The following JAZF1 variants were observed in gnomAD, a reference collection of about 807,000 sequenced individuals.
The protein encoded by JAZF1 is JAZF zinc finger 1, also known as juxtaposed with another zinc finger protein 1.
JAZF1 carries 8 observed loss-of-function variants against 26.4 expected under a neutral mutation model. That is an observed-to-expected ratio of 0.30 (90% CI 0.18 to 0.55). The LOEUF (loss-of-function observed/expected upper bound fraction) is 0.55. Among genes scored for constraint, JAZF1 ranks in the 20% least tolerant of loss-of-function variants. The pLI is 0.94. For synonymous variants in JAZF1, 126 were observed against 122.3 expected (o/e 1.03, Z -0.20); for missense variants, 199 against 322.0 (o/e 0.62, Z 2.92).
At chr7:28,077,956 A>C (rs761390211) in intron 1 of JAZF1, among the ~76,000 whole-genome samples, 3 of 152,204 alleles carry the variant, frequency 2.0e-5, no homozygotes, top group Non-Finnish European at 2.9e-5. Flanking sequence ...CCCACTATGT[A>C]ATCTAGCTCA....
At chr7:28,022,988 G>C (rs1469341376) in intron 1 of JAZF1, among the ~76,000 whole-genome samples, 1 of 152,182 alleles carries the variant, frequency 6.6e-6, no homozygotes, top group Non-Finnish European at 1.5e-5. Flanking sequence ...GAGATGTGAG[G>C]TGAAGTCTTT....
chr7:28,090,068 A>G (rs971825934), intron 1 of JAZF1, among the ~76,000 whole-genome samples: 12 of 152,260 alleles, frequency 7.9e-5, no homozygotes, highest in Non-Finnish European at 1.3e-4. Flanking sequence ...GTCAGTCAAG[A>G]ATCAAGGTTG....
chr7:27,982,669 C>T (rs1207645217), intron 2 of JAZF1, among the ~76,000 whole-genome samples: 1 of 152,158 alleles, frequency 6.6e-6, no homozygotes, highest in African/African-American at 2.4e-5. Flanking sequence ...GGGTCCCTGA[C>T]CCCCGAGTAT....
At chr7:28,098,120 G>A (rs1281382802) in intron 1 of JAZF1, among the ~76,000 whole-genome samples, 1 of 152,100 alleles carries the variant, frequency 6.6e-6, no homozygotes, top group African/African-American at 2.4e-5. Flanking sequence ...TTGGAGTGAA[G>A]CCTTTGGGAG....
intron 2 of JAZF1, among the ~76,000 whole-genome samples, chr7:27,931,890 G>A (rs1583468658): frequency 6.6e-6 from 1 of 152,030 alleles, no homozygotes; most frequent in East Asian, 1.9e-4. Flanking sequence ...TCCAGCCTAA[G>A]TGACAAAGTG....
At chr7:28,060,047 T>C (rs967078947) in intron 1 of JAZF1, among the ~76,000 whole-genome samples, 3 of 152,236 alleles carry the variant, frequency 2.0e-5, no homozygotes, top group African/African-American at 7.2e-5. Context: ...TTGTGTCTAC[T>C]ACATTCTAAA....
chr7:28,170,111 C>CA (rs200460612), intron 1 of JAZF1, among the ~76,000 whole-genome samples: 2,962 of 148,340 alleles, frequency 0.02, 111 homozygotes, highest in African/African-American at 0.069. Flanking sequence ...TACCACTAGT[C>CA]AAAAAAAAAA....
intron 1 of JAZF1, among the ~76,000 whole-genome samples, chr7:27,992,605 C>T (rs925192879): frequency 5.3e-5 from 8 of 152,284 alleles, no homozygotes; most frequent in South Asian, 2.1e-4. Flanking sequence ...ACCATAGCAA[C>T]GCTTTATAAT....
rs1379613661 is a variant in JAZF1, at chr7:27,871,977, C to T, written c.385+23243G>A. The stretch of plus-strand genomic sequence containing the variant: ...CTCACTTCAGAAAATGCAGCTGAAA[C>T]ACTTCTGAGGTGCTAAAGCAAATTG... On this transcript the variant is annotated intron_variant, in intron 3 of 4. Coordinates refer to ENST00000283928, the MANE Select transcript of JAZF1 (RefSeq NM_175061.4). Among the ~76,000 whole-genome samples the T allele has an allele frequency of 2.0e-5, 3 of 152,324 alleles. No homozygotes were observed. The East Asian group carries it at 5.8e-4, about 29-fold the overall frequency.
intron 1 of JAZF1, among the ~76,000 whole-genome samples, chr7:28,117,070 C>T (rs763351098): frequency 2.6e-5 from 4 of 152,262 alleles, no homozygotes; most frequent in Admixed American, 2.6e-4. Context: ...ATGATCCACC[C>T]GCCTTGGCCT....
chr7:28,161,999 C>T (rs1783299844), intron 1 of JAZF1, among the ~76,000 whole-genome samples: 1 of 152,146 alleles, frequency 6.6e-6, no homozygotes, highest in Admixed American at 6.5e-5. Flanking sequence ...GTCCCTAGTA[C>T]TTAGTTGCAG....
At chr7:27,931,760 C>T (rs1173311112) in intron 2 of JAZF1, among the ~76,000 whole-genome samples, 1 of 151,540 alleles carries the variant, frequency 6.6e-6, no homozygotes, top group Non-Finnish European at 1.5e-5. Flanking sequence ...CTGCTTGAAC[C>T]GGGGAGAATT....
At chr7:27,895,048 C>G (rs1218359353) in intron 3 of JAZF1, among the ~76,000 whole-genome samples, 172 bp downstream of exon 3, 1 of 152,114 alleles carries the variant, frequency 6.6e-6, no homozygotes, top group African/African-American at 2.4e-5. Context: ...ATAAATATTT[C>G]TTCAATAATA....
chr7:28,158,717 T>C (rs951584945), intron 1 of JAZF1, among the ~76,000 whole-genome samples: 4 of 152,230 alleles, frequency 2.6e-5, no homozygotes, highest in East Asian at 1.9e-4. Flanking sequence ...CCAGTTTTTT[T>C]GCCTAAGTCC....
At chr7:27,837,106 C>A (rs1477012152) in intron 4 of JAZF1, among the ~76,000 whole-genome samples, 1 of 152,162 alleles carries the variant, frequency 6.6e-6, no homozygotes, top group Admixed American at 6.5e-5. Context: ...CTCTCTGCAG[C>A]AGAGGACTCC....
chr7:28,050,848 C>A (rs1444418859), intron 1 of JAZF1, among the ~76,000 whole-genome samples: 2 of 152,126 alleles, frequency 1.3e-5, no homozygotes, highest in African/African-American at 4.8e-5. Flanking sequence ...AAGCCTACCA[C>A]AATGGCCGGG....
At chr7:27,910,967 T>TG (rs1011775079) in intron 2 of JAZF1, among the ~76,000 whole-genome samples, 1 of 152,206 alleles carries the variant, frequency 6.6e-6, no homozygotes, top group Non-Finnish European at 1.5e-5. Flanking sequence ...TCTGTTATTG[T>TG]GCCCTGGGAA....
intron 1 of JAZF1, among the ~76,000 whole-genome samples, chr7:28,157,239 GCAGA>G (rs1231616484): frequency 6.6e-6 from 1 of 152,242 alleles, no homozygotes; most frequent in Non-Finnish European, 1.5e-5. Context: ...AGGCTGATAA[GCAGA>G]CAAAGTGAGA....
In JAZF1 at chr7:27,866,892, G is replaced by A. The variant is rs534412279; in HGVS notation, c.386-26025C>T. ...CTGTCTCTCTGGCCTCGAGGTGCAC[G>A]ATGCAGAACTTGGGTGGGCAGACTG... On this transcript the variant is annotated intron_variant, in intron 3 of 4. Coordinates refer to ENST00000283928, the MANE Select transcript of JAZF1 (RefSeq NM_175061.4). 1.7e-4 allele frequency among the ~76,000 whole-genome samples: 26 copies of A among 152,302 alleles called. No individual in the cohort carries two copies. The East Asian group carries it at 1.7e-3, about 10-fold the overall frequency.
Sources: gnomAD v4.1 joint callset for allele counts (sites outside exome capture counted in the v4.1 genomes callset) on GRCh38, gnomAD v4.1.1 for gene constraint, MANE v1.5 for transcripts, NCBI Gene and HGNC (gene_info 2026-07-23, HGNC 2026-07-21) for gene names.